DAB1: variants seen among roughly 807,000 people sequenced by gnomAD.
DAB1 encodes the protein disabled homolog 1.
DAB1 carries 15 observed loss-of-function variants against 64.6 expected under a neutral mutation model. The observed-to-expected ratio is 0.23, with a 90% CI of 0.16 to 0.36. The LOEUF (loss-of-function observed/expected upper bound fraction) is 0.36, where lower values mean the gene tolerates loss of function less well. DAB1 is among the 10% of genes least tolerant of loss of function. DAB1 has a pLI of 1.00. For synonymous variants in DAB1, 235 were observed against 251.9 expected (o/e 0.93, Z 0.64); for missense variants, 596 against 706.7 (o/e 0.84, Z 1.78).
intron 4 of DAB1, among the ~76,000 whole-genome samples, chr1:58,256,701 C>T (rs1328874670): frequency 6.6e-6 from 1 of 152,040 alleles, no homozygotes; most frequent in Non-Finnish European, 1.5e-5. Flanking sequence ...TCCTTGCAGT[C>T]ATGGGCTTTT....
intron 2 of DAB1, among the ~76,000 whole-genome samples, chr1:57,171,773 G>A (rs140769887): frequency 6.6e-6 from 1 of 152,338 alleles, no homozygotes; most frequent in Non-Finnish European, 1.5e-5. Context: ...ATGTCCTGCA[G>A]CATGCTGATT....
chr1:57,943,157 A>G (rs1174978429), intron 5 of DAB1, among the ~76,000 whole-genome samples: 1 of 152,208 alleles, frequency 6.6e-6, no homozygotes, highest in Non-Finnish European at 1.5e-5. Flanking sequence ...GCCTGCCTAC[A>G]AAGAGTTATG....
intron 4 of DAB1, among the ~76,000 whole-genome samples, chr1:57,109,238 G>A (rs1655437838): frequency 6.6e-6 from 1 of 152,182 alleles, no homozygotes; most frequent in Non-Finnish European, 1.5e-5. Context: ...ACTCACCTCT[G>A]AACCCTGATC....
chr1:57,309,464 A>G (rs1674486143), intron 1 of DAB1, among the ~76,000 whole-genome samples: 1 of 152,188 alleles, frequency 6.6e-6, no homozygotes, highest in Non-Finnish European at 1.5e-5. Flanking sequence ...AAAAGAATTA[A>G]AGCATGATAA....
At chr1:57,852,880 A>G (rs1378253538) in intron 1 of DAB1, among the ~76,000 whole-genome samples, 1 of 152,172 alleles carries the variant, frequency 6.6e-6, no homozygotes, top group Non-Finnish European at 1.5e-5. Context: ...TGTTTGTGAC[A>G]GCAGTATCCT....
chr1:57,226,693 A>C lies in DAB1; in HGVS notation c.67+64271T>G, dbSNP rs1383797835. Among the ~76,000 whole-genome samples the C allele has an allele frequency of 4.1e-5, 6 of 147,540 alleles. No homozygotes were observed. The South Asian group carries it at 1.3e-3, about 31-fold the overall frequency. ...AAAAAATATATATATATATATATAT[A>C]TATATCAGTGTTTAGAAGTGAGGAA... On this transcript the variant is annotated intron_variant, in intron 2 of 14. Transcript: ENST00000371236.
At chr1:58,150,064 A>G (rs1654833472) in intron 5 of DAB1, among the ~76,000 whole-genome samples, 1 of 152,224 alleles carries the variant, frequency 6.6e-6, no homozygotes, top group African/African-American at 2.4e-5. Context: ...CAAGTGTTTT[A>G]AATGTATCAT....
intron 5 of DAB1, among the ~76,000 whole-genome samples, chr1:57,961,514 C>T (rs1645520649): frequency 6.6e-6 from 1 of 152,088 alleles, no homozygotes; most frequent in Non-Finnish European, 1.5e-5. Context: ...CCATAGGAGT[C>T]CTGAGTATTC....
chr1:57,008,942 C>A (rs1286350691), intron 14 of DAB1, among the ~76,000 whole-genome samples: 1 of 152,204 alleles, frequency 6.6e-6, no homozygotes, highest in African/African-American at 2.4e-5. Context: ...TACAGCTCAG[C>A]TGTGGCTTGG....
chr1:57,757,056 T>G (rs1648843322), intron 6 of DAB1, among the ~76,000 whole-genome samples: 1 of 152,172 alleles, frequency 6.6e-6, no homozygotes, highest in African/African-American at 2.4e-5. Flanking sequence ...TATATAGCAG[T>G]GTTTCTCAAA....
At chr1:58,003,623 T>C (rs1646538289) in intron 5 of DAB1, among the ~76,000 whole-genome samples, 1 of 152,186 alleles carries the variant, frequency 6.6e-6, no homozygotes, top group Non-Finnish European at 1.5e-5. Context: ...AGTCTGCCTG[T>C]CCTGCACTCC....
intron 7 of DAB1, among the ~76,000 whole-genome samples, chr1:57,501,467 T>G (rs1644288828): frequency 6.6e-6 from 1 of 152,162 alleles, no homozygotes; most frequent in African/African-American, 2.4e-5. Flanking sequence ...AATAGATAAG[T>G]GTTTTAAGCC....
intron 7 of DAB1, among the ~76,000 whole-genome samples, chr1:57,647,569 G>A (rs2101650744): frequency 6.6e-6 from 1 of 152,278 alleles, no homozygotes; most frequent in East Asian, 1.9e-4. Flanking sequence ...CAAGCCAGGA[G>A]GATACTGCCA....
chr1:58,077,668 C>G, intron 5 of DAB1, among the ~76,000 whole-genome samples: 1 of 152,198 alleles, frequency 6.6e-6, no homozygotes, highest in East Asian at 1.9e-4. Flanking sequence ...GCCCCAGCAG[C>G]TAACTGACAA....
At chr1:57,141,752 G>A (rs1184492467) in intron 3 of DAB1, among the ~76,000 whole-genome samples, 6 of 152,284 alleles carry the variant, frequency 3.9e-5, no homozygotes, top group African/African-American at 7.2e-5. Flanking sequence ...CACCGTCTCC[G>A]AAAGCTGACT....
chr1:57,221,473 C>T lies in DAB1; in HGVS notation c.67+69491G>A, dbSNP rs116782517. 9.3e-3 allele frequency among the ~76,000 whole-genome samples: 1,417 copies of T among 151,878 alleles called. 7 individuals carry two copies. Among genetic ancestry groups the T allele is most frequent in the South Asian group, 0.023 (110 of 4,806 alleles). On this transcript the variant is annotated intron_variant, in intron 2 of 14. Coordinates refer to ENST00000371236, the MANE Select transcript of DAB1 (RefSeq NM_001365792.1). ...AAAAAAAAAGACATGCTTAAGGTCA[C>T]CTGATAGCGACATTTCTTTTACCCA...
chr1:57,574,281 G>A (rs1172435905), intron 7 of DAB1, among the ~76,000 whole-genome samples: 2 of 152,126 alleles, frequency 1.3e-5, no homozygotes, highest in Admixed American at 1.3e-4. Flanking sequence ...TGGAGGATTT[G>A]TGGGAGGTAC....
intron 3 of DAB1, among the ~76,000 whole-genome samples, chr1:58,451,402 G>T (rs1372000356): frequency 6.6e-6 from 1 of 152,130 alleles, no homozygotes; most frequent in Non-Finnish European, 1.5e-5. Flanking sequence ...CCTGACACAT[G>T]ATAACTAAAT....
At chr1:57,930,683 T>C (rs558155771) in intron 5 of DAB1, among the ~76,000 whole-genome samples, 6 of 152,342 alleles carry the variant, frequency 3.9e-5, no homozygotes, top group African/African-American at 9.6e-5. Context: ...TGCTGGTACA[T>C]AGAAGAGTAA....
Sources: allele counts gnomAD v4.1 joint callset (sites outside exome capture counted in the v4.1 genomes callset), GRCh38; gene constraint gnomAD v4.1.1; transcripts MANE v1.5; gene names NCBI Gene and HGNC (gene_info 2026-07-23, HGNC 2026-07-21).